AMBRA1: variants seen among roughly 807,000 people sequenced by gnomAD.
AMBRA1 encodes activating molecule in BECN1-regulated autophagy protein 1.
A neutral mutation model predicts 125.4 loss-of-function variants in AMBRA1; 47 were observed. The observed-to-expected ratio is 0.37, with a 90% confidence interval of 0.30 to 0.48. The LOEUF (loss-of-function observed/expected upper bound fraction) is 0.48. AMBRA1 is among the 20% of genes least tolerant of loss of function. The probability of loss-of-function intolerance (pLI) is 0.99; values close to 1 mark genes in which losing one functional copy is unlikely to be tolerated. For synonymous variants in AMBRA1, 626 were observed against 655.5 expected (o/e 0.95, Z 0.69); for missense variants, 1,331 against 1,693.4 (o/e 0.79, Z 3.76).
chr11:46,564,059 G>A (rs757493878), intron 1 of AMBRA1, among the ~76,000 whole-genome samples: 3 of 148,176 alleles, frequency 2.0e-5, no homozygotes, highest in Admixed American at 6.9e-5. Flanking sequence ...CAGGAGAATC[G>A]CTTCAACCCA....
At chr11:46,546,493 G>A (rs1400195567) in intron 4 of AMBRA1, among the ~76,000 whole-genome samples, 1 of 152,010 alleles carries the variant, frequency 6.6e-6, no homozygotes, top group Non-Finnish European at 1.5e-5. Flanking sequence ...GATGCCCTAA[G>A]ACAACAGAAA....
intron 5 of AMBRA1, 90 bp from the exon 6 acceptor site, chr11:46,544,131 A>T: frequency 9.9e-7 from 1 of 1,009,552 alleles, no homozygotes; most frequent in Non-Finnish European, 1.5e-6. Flanking sequence ...TATAGCAATC[A>T]TTACTGATAA....
chr11:46,560,132 GATCA>G (rs1221959869), intron 1 of AMBRA1, among the ~76,000 whole-genome samples: 37 of 152,202 alleles, frequency 2.4e-4, no homozygotes, highest in African/African-American at 6.7e-4. Flanking sequence ...ACAGAACTAA[GATCA>G]ATCAATTAAA....
In AMBRA1 at chr11:46,408,504, G is replaced by A; in HGVS notation, c.3403+9C>T. 1 of 1,522,314 alleles carries A rather than the reference G, an allele frequency of 6.6e-7. No individual in the cohort carries two copies. Among genetic ancestry groups the A allele is most frequent in the Non-Finnish European group, 8.9e-7 (1 of 1,129,500 alleles). The allele number at this position is 1,522,314 out of a possible 1,614,324, so 94.3% of individuals were successfully genotyped here. The stretch of plus-strand genomic sequence containing the variant: ...TCTCCCACCCCCTCCAGCGCCACAT[G>A]GCTCCTACCTTCACCAGGACCTGAG... On this transcript the variant is annotated intron_variant, in intron 17 of 17. Coordinates refer to ENST00000683756, the MANE Select transcript of AMBRA1 (RefSeq NM_001387011.1).
intron 14 of AMBRA1, among the ~76,000 whole-genome samples, chr11:46,430,301 C>T (rs775339548): frequency 6.6e-6 from 1 of 152,184 alleles, no homozygotes; most frequent in Non-Finnish European, 1.5e-5. Flanking sequence ...AGCAAAGAAT[C>T]AAAGCACCAT....
intron 7 of AMBRA1, among the ~76,000 whole-genome samples, chr11:46,529,124 T>C (rs1472436832): frequency 3.9e-5 from 6 of 152,206 alleles, no homozygotes; most frequent in African/African-American, 1.4e-4. Context: ...AGGCTTTTCA[T>C]TGGAACCCAC....
At chr11:46,457,558 G>A (rs1399850345) in intron 11 of AMBRA1, among the ~76,000 whole-genome samples, 1 of 152,122 alleles carries the variant, frequency 6.6e-6, no homozygotes, top group Non-Finnish European at 1.5e-5. Flanking sequence ...TTTTGAGTAA[G>A]GTCAAAATAT....
chr11:46,577,749 G>A (rs2044008889), intron 1 of AMBRA1, among the ~76,000 whole-genome samples: 1 of 152,074 alleles, frequency 6.6e-6, no homozygotes, highest in Non-Finnish European at 1.5e-5. Flanking sequence ...TCGGGAGTTT[G>A]AGACCAGCCT....
At chr11:46,446,387 C>T (rs957347665) in intron 11 of AMBRA1, among the ~76,000 whole-genome samples, 3 of 152,198 alleles carry the variant, frequency 2.0e-5, no homozygotes, top group Non-Finnish European at 4.4e-5. Flanking sequence ...AAGATGAAGG[C>T]AGGAAATGTG....
At chr11:46,549,152 T>A (rs2042914244) in intron 1 of AMBRA1, 1 of 152,020 alleles carries the variant, frequency 6.6e-6, no homozygotes, top group Non-Finnish European at 1.5e-5. Context: ...GAAAACTTCA[T>A]CAGAAATTAA....
At chr11:46,520,552 T>G (rs1021327174) in intron 7 of AMBRA1, among the ~76,000 whole-genome samples, 1 of 151,934 alleles carries the variant, frequency 6.6e-6, no homozygotes, top group Non-Finnish European at 1.5e-5. Flanking sequence ...CAGCCAGAAG[T>G]TCACCCTCTC....
At chr11:46,517,019 T>C (rs1048994910) in intron 7 of AMBRA1, among the ~76,000 whole-genome samples, 3 of 152,148 alleles carry the variant, frequency 2.0e-5, no homozygotes, top group African/African-American at 7.2e-5. Context: ...GTTCATTTTA[T>C]ACACCACTGG....
In AMBRA1 at chr11:46,542,944, G is replaced by A. The variant is rs201399145; in HGVS notation, c.1073C>T (p.Thr358Met). ...GTTCAGGAGGCCCTGGTCCTGCTGCGTTGACGAGGCCTGCTCCGGGGGATG... is the reference window on the plus strand; with the variant it reads ...GTTCAGGAGGCCCTGGTCCTGCTGCATTGACGAGGCCTGCTCCGGGGGATG... ...PFHPPEQASS[T>M]QQDQGLLNRP... Residue 358 changes from threonine to methionine, a missense_variant, in exon 7 of 18, where the codon ACG becomes ATG. Coordinates refer to ENST00000683756, the MANE Select transcript of AMBRA1 (RefSeq NM_001387011.1). This position sits in a 1 kb window ranked among gnomAD's most constrained non-coding sequence, Gnocchi z 5.9. The A allele has an allele frequency of 3.9e-5, 63 of 1,608,716 alleles. No homozygotes were observed. The highest frequency in any genetic ancestry group is 1.6e-4 in the Middle Eastern group (1 of 6,084).
At chr11:46,502,435 T>A (rs1472182087) in intron 9 of AMBRA1, among the ~76,000 whole-genome samples, 1 of 152,238 alleles carries the variant, frequency 6.6e-6, no homozygotes, top group East Asian at 1.9e-4. Context: ...CAAAGGGAAC[T>A]CTATTTCAAA....
chr11:46,400,687 G>A (rs3740973), intron 17 of AMBRA1, among the ~76,000 whole-genome samples: 64,514 of 151,400 alleles, frequency 0.43, 18,409 homozygotes, highest in African/African-American at 0.82. Context: ...CGGTTTCGCC[G>A]TGTTGCCCAG....
At chr11:46,425,029 G>A (rs1286208210) in intron 14 of AMBRA1, among the ~76,000 whole-genome samples, 1 of 152,186 alleles carries the variant, frequency 6.6e-6, no homozygotes, top group Non-Finnish European at 1.5e-5. Flanking sequence ...AGCTACCTGG[G>A]AGGCTGAGGC....
chr11:46,545,713 T>C lies in AMBRA1; in HGVS notation c.442A>G (p.Thr148Ala), dbSNP rs1306185028. 4 of 1,614,046 alleles carry C rather than the reference T, an allele frequency of 2.5e-6. No homozygotes were observed. The highest frequency in any genetic ancestry group is 1.6e-4 in the Middle Eastern group (1 of 6,084). ...GTGGCAATCAGCAGGAGCTGAGCCGTAGGGTGGAAAGCCAGGGAGGCAATG... is the reference window on the plus strand; with the variant it reads ...GTGGCAATCAGCAGGAGCTGAGCCGCAGGGTGGAAAGCCAGGGAGGCAATG... ...NAIASLAFHP[T>A]AQLLLIATAN... is the part of the protein sequence containing the mutation. The change falls in exon 5 of 18, where the codon ACG becomes GCG. Residue 148 changes from threonine (T) to alanine (A), a missense_variant. Physicochemically the swap from Thr to Ala is moderately conservative, Grantham distance 58. Around this residue, in one of 4 missense-constraint regions of AMBRA1, gnomAD observed 144 missense variants for 250.4 expected, o/e 0.58. Coordinates refer to ENST00000683756, the MANE Select transcript of AMBRA1 (RefSeq NM_001387011.1).
intron 17 of AMBRA1, among the ~76,000 whole-genome samples, chr11:46,408,177 G>A (rs1158283171): frequency 6.6e-6 from 1 of 152,234 alleles, no homozygotes; most frequent in East Asian, 1.9e-4. Flanking sequence ...GGCCCCAGAA[G>A]CTAAGGCCTG....
At chr11:46,444,759 C>T (rs144827685) in intron 11 of AMBRA1, among the ~76,000 whole-genome samples, 178 of 152,262 alleles carry the variant, frequency 1.2e-3, no homozygotes, top group African/African-American at 4.2e-3. Context: ...TGCACTGCTA[C>T]TCCTGGTGTC....
Sources: allele counts gnomAD v4.1 joint callset (sites outside exome capture counted in the v4.1 genomes callset), GRCh38; gene constraint gnomAD v4.1.1; regional missense constraint gnomAD v4.1.1; non-coding constraint Gnocchi (gnomAD v3.1); transcripts MANE v1.5; gene names NCBI Gene and HGNC (gene_info 2026-07-23, HGNC 2026-07-21).